Variants in NAALADL2 observed in about 807,000 individuals in gnomAD.
The protein encoded by NAALADL2 is N-acetylated alpha-linked acidic dipeptidase like 2, also known as inactive N-acetylated-alpha-linked acidic dipeptidase-like protein 2.
In NAALADL2, 76 loss-of-function variants were observed where a neutral mutation model predicts 87.2. The ratio of observed to expected loss-of-function variants is 0.87; its 90% CI spans 0.72 to 1.05. NAALADL2 has a LOEUF of 1.05. NAALADL2 is among the 50% of genes least tolerant of loss of function. NAALADL2 has a pLI of 0.00. For synonymous variants in NAALADL2, 354 were observed against 331.0 expected (o/e 1.07, Z -0.75); for missense variants, 1,089 against 945.8 (o/e 1.15, Z -1.99).
intron 9 of NAALADL2, among the ~76,000 whole-genome samples, chr3:175,484,964 T>C (rs537860787): frequency 6.6e-6 from 1 of 152,196 alleles, no homozygotes; most frequent in Admixed American, 6.6e-5. Flanking sequence ...TAATACTTCC[T>C]GGGCTTTCCC....
chr3:174,750,524 A>AGGG (rs1037034280), intron 3 of NAALADL2, among the ~76,000 whole-genome samples: 2 of 151,916 alleles, frequency 1.3e-5, no homozygotes, highest in Non-Finnish European at 2.9e-5. Context: ...TCCACCTGCC[A>AGGG]GGGGGTTCAA....
intron 5 of NAALADL2, among the ~76,000 whole-genome samples, chr3:175,357,396 A>T (rs1209436552): frequency 2.0e-5 from 3 of 152,198 alleles, no homozygotes; most frequent in African/African-American, 7.2e-5. Flanking sequence ...TTCTGCCAAC[A>T]TTCTTAGTAC....
At chr3:174,745,144 TCAA>T (rs1734126170) in intron 3 of NAALADL2, among the ~76,000 whole-genome samples, 1 of 151,188 alleles carries the variant, frequency 6.6e-6, no homozygotes, top group African/African-American at 2.4e-5. Context: ...CTTCAAAAAA[TCAA>T]CGAGTCCAGG....
intron 13 of NAALADL2, among the ~76,000 whole-genome samples, chr3:175,768,678 C>T (rs950091622): frequency 6.6e-6 from 1 of 151,902 alleles, no homozygotes; most frequent in Non-Finnish European, 1.5e-5. Context: ...GGCGAAAGCC[C>T]GTCTCTATTA....
chr3:174,566,552 C>T (rs1258133948), intron 2 of NAALADL2, among the ~76,000 whole-genome samples: 1 of 151,714 alleles, frequency 6.6e-6, no homozygotes, highest in South Asian at 2.1e-4. Context: ...CATATATAGA[C>T]TGTTTTTCCT....
rs80154448 is a variant in NAALADL2 at position 175,444,368 on chromosome 3, T to C, written c.1091-2861T>C. On this transcript the variant is annotated intron_variant, in intron 5 of 13. Transcript: ENST00000454872. ...CGTTTGTACAGACATTGTCTATGCT[T>C]TGAAACATGAATCAATTTGTCCTCA... Among the ~76,000 whole-genome samples, 242 of 152,288 alleles carry C rather than the reference T, an allele frequency of 1.6e-3. 2 individuals are homozygous for C. The highest frequency in any genetic ancestry group is 5.7e-3 in the African/African-American group (236 of 41,550).
intron 4 of NAALADL2, chr3:175,257,106 T>C (rs888154231): frequency 2.6e-5 from 4 of 151,292 alleles, no homozygotes; most frequent in African/African-American, 9.7e-5. Flanking sequence ...CATCCACAGA[T>C]ACACTTATGT....
At chr3:175,798,438 A>G (rs1267658276) in intron 13 of NAALADL2, among the ~76,000 whole-genome samples, 1 of 152,072 alleles carries the variant, frequency 6.6e-6, no homozygotes, top group African/African-American at 2.4e-5. Flanking sequence ...CCACAAGCCT[A>G]CTACTTGAAT....
intron 1 of NAALADL2, among the ~76,000 whole-genome samples, chr3:175,087,064 A>G (rs1269032725): frequency 6.6e-6 from 1 of 152,212 alleles, no homozygotes. Context: ...GTAAAATATT[A>G]AAATAAAAAC....
chr3:174,738,811 T>C (rs2109003719), intron 3 of NAALADL2, among the ~76,000 whole-genome samples: 1 of 152,318 alleles, frequency 6.6e-6, no homozygotes, highest in Non-Finnish European at 1.5e-5. Context: ...AATTAAACCA[T>C]TTTTGGTTTG....
In NAALADL2 at chr3:174,674,896, T is replaced by A. The variant is rs566567384; in HGVS notation, c.-114-62745T>A. On this transcript the variant is annotated intron_variant, in intron 2 of 3. Coordinates refer to the NAALADL2 transcript ENST00000434257. The stretch of plus-strand genomic sequence containing the variant: ...ACCATTTGTAAGTTTTCTACTTTTT[T>A]AAAAAATTGAGTGTTCTCAAATTCT... Among the ~76,000 whole-genome samples the A allele has an allele frequency of 1.3e-4, 20 of 152,186 alleles. No individual in the cohort carries two copies. The East Asian group carries it at 3.5e-3, about 26-fold the overall frequency.
intron 11 of NAALADL2, among the ~76,000 whole-genome samples, chr3:175,713,929 G>A (rs1740884098): frequency 6.6e-6 from 1 of 152,012 alleles, no homozygotes; most frequent in African/African-American, 2.4e-5. Flanking sequence ...CCCATCCTAT[G>A]TTCATGTGTT....
chr3:175,666,940 A>G (rs1733081394), intron 11 of NAALADL2, among the ~76,000 whole-genome samples: 1 of 152,090 alleles, frequency 6.6e-6, no homozygotes, highest in Non-Finnish European at 1.5e-5. Context: ...TTCCTGGGAT[A>G]GACCTCTGTA....
chr3:174,906,136 C>G (rs1272913662), intron 1 of NAALADL2, among the ~76,000 whole-genome samples: 2 of 151,996 alleles, frequency 1.3e-5, no homozygotes, highest in Non-Finnish European at 2.9e-5. Flanking sequence ...CATTATATTT[C>G]TCAATGATCT....
intron 9 of NAALADL2, among the ~76,000 whole-genome samples, chr3:175,570,649 G>T (rs1717922312): frequency 6.6e-6 from 1 of 152,118 alleles, no homozygotes; most frequent in African/African-American, 2.4e-5. Context: ...GGGAAGCCGA[G>T]GCGGGCGGAT....
At chr3:174,661,462 C>G (rs1725496070) in intron 2 of NAALADL2, among the ~76,000 whole-genome samples, 2 of 152,050 alleles carry the variant, frequency 1.3e-5, no homozygotes, top group South Asian at 4.1e-4. Flanking sequence ...ACTATAGTTA[C>G]TTAGAAGGAG....
At chr3:175,730,705 CA>C (rs933743130) in intron 11 of NAALADL2, among the ~76,000 whole-genome samples, 2 of 151,712 alleles carry the variant, frequency 1.3e-5, no homozygotes, top group African/African-American at 4.8e-5. Context: ...CAGTTTTCAA[CA>C]CAATGATCCT....
At chr3:175,018,121 T>C (rs1382762893) in intron 1 of NAALADL2, among the ~76,000 whole-genome samples, 2 of 152,112 alleles carry the variant, frequency 1.3e-5, no homozygotes, top group African/African-American at 4.8e-5. Context: ...TGACTAAAGC[T>C]TGTCTTTTAG....
At chr3:175,155,708 G>A (rs1007098990) in intron 2 of NAALADL2, among the ~76,000 whole-genome samples, 1 of 152,064 alleles carries the variant, frequency 6.6e-6, no homozygotes, top group Non-Finnish European at 1.5e-5. Context: ...ATTACATTTA[G>A]AATATGTAGC....
Sources: gnomAD v4.1 joint callset for allele counts (sites outside exome capture counted in the v4.1 genomes callset) on GRCh38, gnomAD v4.1.1 for gene constraint, MANE v1.5 for transcripts, NCBI Gene and HGNC (gene_info 2026-07-23, HGNC 2026-07-21) for gene names.